DLG2: variants seen among roughly 807,000 people sequenced by gnomAD.
DLG2 encodes discs large MAGUK scaffold protein 2.
In DLG2, 45 loss-of-function variants were observed where a neutral mutation model predicts 132.5. That is an observed-to-expected ratio of 0.34 (90% CI 0.27 to 0.44). DLG2 has a LOEUF of 0.44. Ranked by LOEUF, DLG2 falls within the 20% of genes least tolerant of loss-of-function variation. The pLI is 1.00. For synonymous variants in DLG2, 424 were observed against 419.6 expected, an observed-to-expected ratio of 1.01 and a Z score of -0.13; for missense variants, 1,045 against 1,196.9, an observed-to-expected ratio of 0.87 and a Z score of 1.87.
chr11:84,039,334 C>G (rs911974545), intron 11 of DLG2, among the ~76,000 whole-genome samples: 5 of 149,678 alleles, frequency 3.3e-5, no homozygotes, highest in Non-Finnish European at 7.4e-5. Context: ...TCGTCATCTA[C>G]CATTAGGTGT....
At chr11:83,730,099 A>G (rs1456936428) in intron 18 of DLG2, among the ~76,000 whole-genome samples, 1 of 151,492 alleles carries the variant, frequency 6.6e-6, no homozygotes, top group Non-Finnish European at 1.5e-5. Flanking sequence ...ACTCAGGGTC[A>G]ATCATTGTGA....
intron 18 of DLG2, among the ~76,000 whole-genome samples, chr11:83,705,184 T>A (rs2083697049): frequency 6.6e-6 from 1 of 152,212 alleles, no homozygotes; most frequent in Non-Finnish European, 1.5e-5. Flanking sequence ...TTCCTCTGCA[T>A]ATTTTCACTT....
intron 6 of DLG2, among the ~76,000 whole-genome samples, chr11:85,076,323 T>A (rs2066544781): frequency 6.6e-6 from 1 of 152,000 alleles, no homozygotes; most frequent in South Asian, 2.1e-4. Context: ...ATCAAAACCA[T>A]TTAAATTAAG....
At chr11:84,181,395 T>G (rs1327050374) in intron 8 of DLG2, among the ~76,000 whole-genome samples, 1 of 151,818 alleles carries the variant, frequency 6.6e-6, no homozygotes, top group Non-Finnish European at 1.5e-5. Context: ...TAAAATGCCA[T>G]TTAAAACGAA....
At chr11:85,545,954 T>C (rs1259459532) in intron 3 of DLG2, among the ~76,000 whole-genome samples, 1 of 152,198 alleles carries the variant, frequency 6.6e-6, no homozygotes, top group East Asian at 1.9e-4. Flanking sequence ...CCTGGATTCA[T>C]TGATTTTATG....
intron 4 of DLG2, among the ~76,000 whole-genome samples, chr11:85,163,244 C>T (rs545626107): frequency 2.0e-5 from 3 of 151,752 alleles, no homozygotes; most frequent in Admixed American, 6.6e-5. Flanking sequence ...CACACACACA[C>T]TATTAGTTCT....
At chr11:83,907,792 A>C (rs809844) in intron 15 of DLG2, among the ~76,000 whole-genome samples, 127,172 of 152,154 alleles carry the variant, frequency 0.84, 53,647 homozygotes, top group African/African-American at 0.96. Flanking sequence ...CCTGCCCTGG[A>C]ATTTAAGGCC....
intron 3 of DLG2, among the ~76,000 whole-genome samples, chr11:85,294,890 G>T (rs2079124046): frequency 6.6e-6 from 1 of 152,114 alleles, no homozygotes; most frequent in South Asian, 2.1e-4. Flanking sequence ...AATAAGATGT[G>T]CATGAAGGAA....
intron 7 of DLG2, among the ~76,000 whole-genome samples, chr11:84,279,097 A>G (rs2097822498): frequency 6.6e-6 from 1 of 152,232 alleles, no homozygotes; most frequent in Admixed American, 6.5e-5. Flanking sequence ...CAGAATCTAC[A>G]AAGAACTTAA....
chr11:85,408,471 G>C (rs181515816), intron 3 of DLG2, among the ~76,000 whole-genome samples: 1 of 151,064 alleles, frequency 6.6e-6, no homozygotes, highest in Non-Finnish European at 1.5e-5. Context: ...ATGTATACAT[G>C]TGACATGCTG....
intron 3 of DLG2, among the ~76,000 whole-genome samples, chr11:85,491,693 G>T (rs2153107060): frequency 6.6e-6 from 1 of 152,006 alleles, no homozygotes; most frequent in Middle Eastern, 3.4e-3. Flanking sequence ...ATTTAACCAA[G>T]GAGGTGAAAG....
chr11:84,976,976 C>T (rs901651154), intron 6 of DLG2, among the ~76,000 whole-genome samples: 2 of 152,088 alleles, frequency 1.3e-5, no homozygotes, highest in Non-Finnish European at 2.9e-5. Flanking sequence ...TGAAACTACC[C>T]AATTCCTCTA....
chr11:83,882,739 T>C (rs1037969706), intron 15 of DLG2, among the ~76,000 whole-genome samples: 2 of 152,216 alleles, frequency 1.3e-5, no homozygotes, highest in African/African-American at 4.8e-5. Flanking sequence ...AACTTTAGAC[T>C]AACAAGTCAA....
intron 16 of DLG2, among the ~76,000 whole-genome samples, chr11:83,848,987 G>A (rs761409077): frequency 3.9e-5 from 6 of 152,072 alleles, no homozygotes; most frequent in South Asian, 2.1e-4. Context: ...ACAGATATAC[G>A]TATCTGTCCT....
At chr11:84,157,939 A>T (rs1342868651) in intron 9 of DLG2, among the ~76,000 whole-genome samples, 3 of 152,118 alleles carry the variant, frequency 2.0e-5, no homozygotes, top group Non-Finnish European at 4.4e-5. Flanking sequence ...CTTTTCTTTT[A>T]ATGTCACCAT....
chr11:83,823,753 A>T (rs2051572899), intron 17 of DLG2, among the ~76,000 whole-genome samples: 1 of 152,184 alleles, frequency 6.6e-6, no homozygotes, highest in African/African-American at 2.4e-5. Flanking sequence ...ACACAGTTTC[A>T]TCCTCAAGGG....
chr11:84,135,322 A>T (rs752114934), intron 9 of DLG2, among the ~76,000 whole-genome samples: 31 of 152,276 alleles, frequency 2.0e-4, no homozygotes, highest in Admixed American at 7.9e-4. Context: ...CAGGGAAGAT[A>T]ACTAGGATGC....
At chr11:84,798,321 TA>T (rs142146323) in intron 6 of DLG2, among the ~76,000 whole-genome samples, 3 of 151,888 alleles carry the variant, frequency 2.0e-5, no homozygotes, top group East Asian at 1.9e-4. Context: ...GGGACTGAAG[TA>T]AAAAAAACCA....
At chr11:83,469,154 C>T (rs2091646796) in intron 25 of DLG2, 47 bp downstream of exon 25, 1 of 1,414,570 alleles carries the variant, frequency 7.1e-7, no homozygotes. Context: ...CAGTTTGCAA[C>T]CTAGAAACCT....
Sources: allele counts gnomAD v4.1 joint callset (sites outside exome capture counted in the v4.1 genomes callset), GRCh38; gene constraint gnomAD v4.1.1; transcripts MANE v1.5; gene names NCBI Gene and HGNC (gene_info 2026-07-23, HGNC 2026-07-21).